GNG7: variants seen among roughly 807,000 people sequenced by gnomAD.
GNG7 encodes guanine nucleotide-binding protein G(I)/G(S)/G(O) subunit gamma-7.
A neutral mutation model predicts 4.0 loss-of-function variants in GNG7; 1 was observed. That is an observed-to-expected ratio of 0.25 (90% CI 0.09 to 1.18). The LOEUF (loss-of-function observed/expected upper bound fraction) is 1.18. Among genes scored for constraint, GNG7 ranks in the 50% most tolerant of loss-of-function variants. The pLI is 0.50. For synonymous variants in GNG7, 34 were observed against 36.9 expected, an observed-to-expected ratio of 0.92 and a Z score of 0.29; for missense variants, 86 against 91.9, an observed-to-expected ratio of 0.94 and a Z score of 0.26.
intron 1 of GNG7, among the ~76,000 whole-genome samples, chr19:2,651,722 C>T (rs538920930): frequency 3.2e-4 from 48 of 151,382 alleles, no homozygotes; most frequent in African/African-American, 1.1e-3. Context: ...CCCATCACCA[C>T]GCCCAGCTAA....
intron 2 of GNG7, among the ~76,000 whole-genome samples, chr19:2,569,507 C>A (rs554245998): frequency 6.6e-6 from 1 of 152,132 alleles, no homozygotes; most frequent in Admixed American, 6.5e-5. Context: ...GATCTCCTGA[C>A]CTCGGGATCC....
chr19:2,578,914 T>C (rs1402780766), intron 2 of GNG7, among the ~76,000 whole-genome samples: 1 of 152,304 alleles, frequency 6.6e-6, no homozygotes, highest in African/African-American at 2.4e-5. Context: ...GGCCGAGCTG[T>C]GGGGATGTGG....
intron 3 of GNG7, among the ~76,000 whole-genome samples, chr19:2,536,501 C>G (rs897470598): frequency 1.3e-5 from 2 of 152,066 alleles, no homozygotes; most frequent in Admixed American, 1.3e-4. Flanking sequence ...TCTTCCTAAT[C>G]AGAACTAAAG....
chr19:2,540,383 C>G (rs1978919295), intron 3 of GNG7, among the ~76,000 whole-genome samples: 1 of 152,098 alleles, frequency 6.6e-6, no homozygotes, highest in Admixed American at 6.6e-5. Flanking sequence ...ATCTCCTGGC[C>G]TCCGGTGATC....
chr19:2,529,979 C>G (rs1044692064), intron 3 of GNG7, among the ~76,000 whole-genome samples: 6 of 152,212 alleles, frequency 3.9e-5, no homozygotes, highest in Admixed American at 6.5e-5. Context: ...GCTCCAAGAT[C>G]AAGAGGATCT....
chr19:2,640,780 G>GT (rs925533614), intron 2 of GNG7, among the ~76,000 whole-genome samples: 4 of 152,046 alleles, frequency 2.6e-5, no homozygotes, highest in African/African-American at 7.2e-5. Context: ...GGTACACACT[G>GT]TAACACCCAG....
chr19:2,625,421 C>T (rs1981995948), intron 2 of GNG7, among the ~76,000 whole-genome samples: 1 of 152,058 alleles, frequency 6.6e-6, no homozygotes, highest in South Asian at 2.1e-4. Context: ...TCTCTGTTGC[C>T]CAGGCTGGTC....
intron 2 of GNG7, among the ~76,000 whole-genome samples, chr19:2,581,616 C>A (rs1192838328): frequency 1.3e-5 from 2 of 152,174 alleles, no homozygotes; most frequent in Admixed American, 6.5e-5. Flanking sequence ...TTTCACCCCA[C>A]CCTGCAGGGA....
At chr19:2,652,089 C>A (rs1431624666) in intron 1 of GNG7, among the ~76,000 whole-genome samples, 1 of 151,986 alleles carries the variant, frequency 6.6e-6, no homozygotes, top group South Asian at 2.1e-4. Flanking sequence ...ATGGGAGAAT[C>A]GCTTGAACCC....
At chr19:2,559,058 C>T (rs191247813) in intron 2 of GNG7, among the ~76,000 whole-genome samples, 3 of 151,944 alleles carry the variant, frequency 2.0e-5, no homozygotes, top group African/African-American at 4.8e-5. Flanking sequence ...CTTGGCCCCC[C>T]CAAAGTGCTG....
At chr19:2,538,355 A>C in intron 3 of GNG7, 1 of 445,424 alleles carries the variant, frequency 2.2e-6, no homozygotes, top group South Asian at 1.6e-5. Flanking sequence ...AGTGGTGGTG[A>C]CTCATGCCTG....
chr19:2,587,749 G>T (rs1224406552), intron 2 of GNG7, among the ~76,000 whole-genome samples: 1 of 152,098 alleles, frequency 6.6e-6, no homozygotes, highest in African/African-American at 2.4e-5. Context: ...GCTGAGGCAG[G>T]AGAATCACTT....
chr19:2,636,648 C>T (rs947773757), intron 2 of GNG7, among the ~76,000 whole-genome samples: 23 of 152,190 alleles, frequency 1.5e-4, no homozygotes, highest in Non-Finnish European at 2.2e-4. Context: ...CCTCCTGCCA[C>T]GCACAACACC....
intron 1 of GNG7, among the ~76,000 whole-genome samples, chr19:2,692,098 T>A (rs2144911127): frequency 6.6e-6 from 1 of 152,136 alleles, no homozygotes; most frequent in Middle Eastern, 3.4e-3. Flanking sequence ...GACAATACAT[T>A]TCTGTTATTT....
At chr19:2,685,482 G>A (rs757883830) in intron 1 of GNG7, among the ~76,000 whole-genome samples, 11 of 151,964 alleles carry the variant, frequency 7.2e-5, no homozygotes, top group Non-Finnish European at 1.5e-4. Context: ...AAAATCAGCC[G>A]GGCGTGGTGG....
intron 3 of GNG7, among the ~76,000 whole-genome samples, chr19:2,537,879 C>T (rs1978795849): frequency 2.0e-5 from 3 of 152,072 alleles, no homozygotes; most frequent in African/African-American, 4.8e-5. Flanking sequence ...AGTTCCAGAC[C>T]AGCCTGGCCA....
In GNG7 at chr19:2,544,104, T is replaced by C. The variant is rs1258155694; in HGVS notation, c.-38+11045A>G. ...GGAGACAATGCTTGGAGTGGAAACG[T>C]CAGCCCTTCCCCGTGGAGGGATGAC... On this transcript the variant is annotated intron_variant, in intron 3 of 4. Coordinates refer to ENST00000382159, the MANE Select transcript of GNG7 (RefSeq NM_052847.3). 4.6e-5 allele frequency among the ~76,000 whole-genome samples: 7 copies of C among 152,260 alleles called. No homozygotes were observed. In the South Asian group the frequency reaches 1.4e-3, roughly 32 times the overall value.
chr19:2,548,923 G>A (rs1381828285), intron 3 of GNG7, among the ~76,000 whole-genome samples: 1 of 152,166 alleles, frequency 6.6e-6, no homozygotes, highest in East Asian at 1.9e-4. Flanking sequence ...CGGCTTTCTC[G>A]TGAACTGTGC....
chr19:2,553,856 T>C (rs1008434933), intron 3 of GNG7, among the ~76,000 whole-genome samples: 2 of 138,428 alleles, frequency 1.4e-5, no homozygotes, highest in East Asian at 2.1e-4. Context: ...TACATGTACA[T>C]ATTATATGTA....
Sources: allele counts gnomAD v4.1 joint callset (sites outside exome capture counted in the v4.1 genomes callset), GRCh38; gene constraint gnomAD v4.1.1; transcripts MANE v1.5; gene names NCBI Gene and HGNC (gene_info 2026-07-23, HGNC 2026-07-21).